The following EYS variants were observed in gnomAD, a reference collection of about 807,000 sequenced individuals.
The protein encoded by EYS is EGF-like photoreceptor maintenance factor.
EYS carries 250 observed loss-of-function variants against 282.1 expected under a neutral mutation model. The ratio of observed to expected loss-of-function variants is 0.89; its 90% CI spans 0.80 to 0.98. EYS has a LOEUF of 0.98. EYS is among the 50% of genes least tolerant of loss of function. The pLI is 0.00. For missense variants in EYS, 4,016 were observed against 3,709.0 expected, an observed-to-expected ratio of 1.08 and a Z score of -2.15; for synonymous variants, 1,355 against 1,282.9, an observed-to-expected ratio of 1.06 and a Z score of -1.20.
intron 29 of EYS, among the ~76,000 whole-genome samples, chr6:64,324,800 G>C (rs1770349232): frequency 6.6e-6 from 1 of 152,098 alleles, no homozygotes; most frequent in Non-Finnish European, 1.5e-5. Flanking sequence ...ATAAAAATCG[G>C]TATATTTCTA....
intron 31 of EYS, among the ~76,000 whole-genome samples, chr6:64,126,403 T>A (rs1391977464): frequency 6.6e-6 from 1 of 150,682 alleles, no homozygotes; most frequent in Non-Finnish European, 1.5e-5. Flanking sequence ...TCCTCTCAAG[T>A]CTCCTCAAGA....
chr6:65,090,176 T>C (rs925560058), intron 12 of EYS, among the ~76,000 whole-genome samples: 2 of 152,058 alleles, frequency 1.3e-5, no homozygotes, highest in Non-Finnish European at 2.9e-5. Flanking sequence ...AATCCCCAGG[T>C]GTCAAGGGCA....
At chr6:63,942,990 A>G (rs1034352322) in intron 35 of EYS, among the ~76,000 whole-genome samples, 2 of 152,204 alleles carry the variant, frequency 1.3e-5, no homozygotes, top group African/African-American at 4.8e-5. Context: ...GCTTTATTGT[A>G]AGAATACAGT....
intron 15 of EYS, among the ~76,000 whole-genome samples, chr6:64,930,826 C>A (rs545708211): frequency 4.6e-5 from 7 of 152,118 alleles, no homozygotes; most frequent in African/African-American, 1.7e-4. Context: ...GCACAGGCAG[C>A]AAAGAGCCAG....
At chr6:63,831,861 A>C (rs1373960614) in intron 36 of EYS, among the ~76,000 whole-genome samples, 2 of 152,254 alleles carry the variant, frequency 1.3e-5, no homozygotes, top group Non-Finnish European at 2.9e-5. Flanking sequence ...ATTACAAAAA[A>C]CTGTCTCTCA....
At chr6:64,605,760 G>T (rs1766910566) in intron 24 of EYS, among the ~76,000 whole-genome samples, 1 of 151,862 alleles carries the variant, frequency 6.6e-6, no homozygotes, top group African/African-American at 2.4e-5. Context: ...ATTTTGGTAA[G>T]AATACATGGA....
intron 26 of EYS, among the ~76,000 whole-genome samples, chr6:64,586,757 AT>A (rs1404660728): frequency 6.6e-6 from 1 of 152,030 alleles, no homozygotes; most frequent in Non-Finnish European, 1.5e-5. Flanking sequence ...TGCAGTGTAC[AT>A]TTTTAAATTT....
chr6:64,312,450 C>T (rs1250072172), intron 29 of EYS, among the ~76,000 whole-genome samples: 1 of 152,106 alleles, frequency 6.6e-6, no homozygotes, highest in Non-Finnish European at 1.5e-5. Flanking sequence ...GCTGTGGGGG[C>T]AGCTTCAGCA....
At chr6:65,585,444 A>G (rs1188798993) in intron 2 of EYS, among the ~76,000 whole-genome samples, 1 of 151,966 alleles carries the variant, frequency 6.6e-6, no homozygotes, top group African/African-American at 2.4e-5. Flanking sequence ...ATAAACACAT[A>G]TTGATAATTT....
At chr6:64,733,620 A>G (rs1772054485) in intron 22 of EYS, 2 of 157,238 alleles carry the variant, frequency 1.3e-5, no homozygotes, top group African/African-American at 2.5e-5. Context: ...AATGGGCTCT[A>G]TGCCAGAGTG....
At chr6:64,197,452 A>T (rs1765325615) in intron 31 of EYS, among the ~76,000 whole-genome samples, 1 of 152,198 alleles carries the variant, frequency 6.6e-6, no homozygotes, top group Non-Finnish European at 1.5e-5. Flanking sequence ...CTAGTGAAGC[A>T]AATTTTATCA....
At chr6:64,250,917 G>A (rs1249085654) in intron 30 of EYS, among the ~76,000 whole-genome samples, 1 of 152,028 alleles carries the variant, frequency 6.6e-6, no homozygotes, top group Non-Finnish European at 1.5e-5. Context: ...TAAATTATTT[G>A]TATAGTTTAG....
At chr6:65,514,931 T>C (rs989647036) in intron 2 of EYS, among the ~76,000 whole-genome samples, 1 of 152,032 alleles carries the variant, frequency 6.6e-6, no homozygotes, top group Non-Finnish European at 1.5e-5. Context: ...AAAGCCAAAA[T>C]TGACAAATGG....
chr6:65,343,857 C>T (rs112592779), intron 10 of EYS, among the ~76,000 whole-genome samples, 181 bp downstream of exon 10: 13 of 151,442 alleles, frequency 8.6e-5, no homozygotes, highest in African/African-American at 1.4e-4. Flanking sequence ...AAATGTATGA[C>T]GTAAATATAA....
At chr6:64,793,150 T>A (rs780751900) in intron 22 of EYS, among the ~76,000 whole-genome samples, 1 of 152,046 alleles carries the variant, frequency 6.6e-6, no homozygotes, top group African/African-American at 2.4e-5. Context: ...AGATGGAATA[T>A]GAAGAGTCCA....
At chr6:64,393,686 G>A (rs1167510067) in intron 28 of EYS, among the ~76,000 whole-genome samples, 37 of 151,410 alleles carry the variant, frequency 2.4e-4, no homozygotes, top group African/African-American at 6.5e-4. Flanking sequence ...TACTGAATGG[G>A]CAAAAACTGG....
chr6:65,316,432 C>T (rs1044382625), intron 11 of EYS, among the ~76,000 whole-genome samples: 2 of 147,168 alleles, frequency 1.4e-5, no homozygotes, highest in African/African-American at 5.1e-5. Context: ...AATGGATTTT[C>T]ATGTGTGGTG....
chr6:64,821,735 A>T lies in EYS; in HGVS notation c.3165-12T>A, dbSNP rs1308899096. On this transcript the variant is annotated splice_polypyrimidine_tract_variant and intron_variant, in intron 20 of 42. Transcript: ENST00000503581. ...TAAGTTCTGTGCACCTGAAACACAG[A>T]ATTAGAATTACATTTTCAAATAAGT... 1 of 1,423,526 alleles carries T rather than the reference A, an allele frequency of 7.0e-7. No individual in the cohort carries two copies. Among genetic ancestry groups the T allele is most frequent in the African/African-American group, 1.4e-5 (1 of 69,906 alleles). The allele number at this position is 1,423,526 out of a possible 1,614,324, so 88.2% of individuals were successfully genotyped here. A position where few individuals can be genotyped will look rare whatever the true frequency, so the allele number is the denominator to read the frequency against.
intron 28 of EYS, chr6:64,412,788 T>C (rs917194129): frequency 6.6e-6 from 1 of 152,170 alleles, no homozygotes; most frequent in African/African-American, 2.4e-5. Flanking sequence ...AATTATCTTC[T>C]ATCACCTCTG....
Sources: allele counts gnomAD v4.1 joint callset (sites outside exome capture counted in the v4.1 genomes callset), GRCh38; gene constraint gnomAD v4.1.1; transcripts MANE v1.5; gene names NCBI Gene and HGNC (gene_info 2026-07-23, HGNC 2026-07-21).